Variants in TF observed in about 807,000 individuals in gnomAD.
TF encodes serotransferrin.
In TF, 55 loss-of-function variants were observed where a neutral mutation model predicts 82.4. The ratio of observed to expected loss-of-function variants is 0.67; its 90% CI spans 0.54 to 0.84. TF has a LOEUF of 0.84. Ranked by LOEUF, TF falls within the 40% of genes least tolerant of loss-of-function variation. TF has a pLI of 0.00. For synonymous variants in TF, 332 were observed against 332.6 expected, an observed-to-expected ratio of 1.00 and a Z score of 0.02; for missense variants, 737 against 868.4, an observed-to-expected ratio of 0.85 and a Z score of 1.90.
the TF span, among the ~76,000 whole-genome samples, chr3:133,663,502 A>C: frequency 2.6e-5 from 4 of 152,070 alleles, no homozygotes; most frequent in East Asian, 7.7e-4. Flanking sequence ...AAGAAACCAC[A>C]GTTAATTGTT....
At chr3:133,755,333 C>G in intron 4 of TF, 30 bp from the exon 5 acceptor site, 1 of 1,614,132 alleles carries the variant, frequency 6.2e-7, no homozygotes, top group Non-Finnish European at 8.5e-7. Context: ...CTCACTCATG[C>G]TCTGTTGTCC....
At position 133,789,957 on chromosome 3, in the gene TF, A is replaced by C. The variant is rs1481871003; in HGVS notation, c.*11337A>C. 2 of 145,298 alleles carry C rather than the reference A, an allele frequency of 1.4e-5. No homozygotes were observed. Among genetic ancestry groups the C allele is most frequent in the Non-Finnish European group, 3.0e-5 (2 of 67,306 alleles). 9.0% of individuals were successfully genotyped at this position (145,298 alleles called of 1,614,324 possible). ...TAGCTAAATCTTCTGGGTTACTGGC[A>C]AAAATACGTATGTATTAACTTTGAG... is the stretch of plus-strand genomic sequence containing the variant. On this transcript the variant is annotated 3_prime_UTR_variant, in exon 17 of 17. Coordinates refer to ENST00000402696, the MANE Select transcript of TF (RefSeq NM_001063.4).
At chr3:133,682,276 T>A in the TF span, among the ~76,000 whole-genome samples, 3 of 152,046 alleles carry the variant, frequency 2.0e-5, no homozygotes, top group Non-Finnish European at 4.4e-5. Flanking sequence ...AGCTGAAAAT[T>A]CTAAAAATCA....
the TF span, among the ~76,000 whole-genome samples, chr3:133,686,918 C>G: frequency 9.2e-5 from 14 of 152,166 alleles, no homozygotes; most frequent in Non-Finnish European, 8.8e-5. Context: ...TGGCACTATT[C>G]ACAATAGCAA....
chr3:133,739,696 A>G, the TF span, among the ~76,000 whole-genome samples: 1 of 152,242 alleles, frequency 6.6e-6, no homozygotes, highest in Non-Finnish European at 1.5e-5. Context: ...ATGTCACAAA[A>G]GAAGACATTT....
At chr3:133,707,167 G>T in the TF span, among the ~76,000 whole-genome samples, 5 of 149,944 alleles carry the variant, frequency 3.3e-5, no homozygotes, top group African/African-American at 1.2e-4. Context: ...TCTGAGTAGA[G>T]AGGGGGAGAG....
the TF span, among the ~76,000 whole-genome samples, chr3:133,711,822 A>C: frequency 6.6e-6 from 1 of 151,666 alleles, no homozygotes; most frequent in Non-Finnish European, 1.5e-5. Flanking sequence ...AAAACTAATG[A>C]CAGTAAAAGG....
At chr3:133,687,716 G>C in the TF span, among the ~76,000 whole-genome samples, 5 of 152,150 alleles carry the variant, frequency 3.3e-5, no homozygotes. Context: ...TTTCACTCAA[G>C]TTGGAGTTTT....
chr3:133,715,170 T>A, the TF span, among the ~76,000 whole-genome samples: 2 of 152,196 alleles, frequency 1.3e-5, no homozygotes, highest in Non-Finnish European at 2.9e-5. Context: ...GAGCCATGTA[T>A]CTCTAGTCCT....
rs1011868075 is a variant in TF, at chr3:133,787,490, T to C, written c.*8870T>C. On this transcript the variant is annotated 3_prime_UTR_variant, in exon 17 of 17. Coordinates refer to ENST00000402696, the MANE Select transcript of TF (RefSeq NM_001063.4). Reference sequence around the variant, plus strand: ...GTACACAGTGGAAAGTTATATGAAATATCTGGTCTCTCTAGATAGTTAGAA... The same window carrying C: ...GTACACAGTGGAAAGTTATATGAAACATCTGGTCTCTCTAGATAGTTAGAA... 1 of 152,270 alleles carries C rather than the reference T, an allele frequency of 6.6e-6. No homozygotes were observed. The highest frequency in any genetic ancestry group is 2.4e-5 in the African/African-American group (1 of 41,466). 9.4% of individuals were successfully genotyped at this position (152,270 alleles called of 1,614,324 possible).
At chr3:133,707,425 C>T in the TF span, 1 of 152,256 alleles carries the variant, frequency 6.6e-6, no homozygotes, top group African/African-American at 2.4e-5. Context: ...TGGAAAGCCA[C>T]CTCCCTAACC....
At chr3:133,709,624 TC>T in the TF span, 1 of 170,564 alleles carries the variant, frequency 5.9e-6, no homozygotes, top group Non-Finnish European at 1.3e-5. Flanking sequence ...AGCTGGAACA[TC>T]CCCATGGGCT....
In TF at chr3:133,784,432, T is replaced by C. The variant is rs1268311576; in HGVS notation, c.*5812T>C. On this transcript the variant is annotated 3_prime_UTR_variant, in exon 17 of 17. Coordinates refer to ENST00000402696, the MANE Select transcript of TF (RefSeq NM_001063.4). ...AAGAGGTTGTGACTTATGATAGAGT[T>C]AGAAAATCACACATCTTGTAAATTC... 4 of 147,918 alleles carry C rather than the reference T, an allele frequency of 2.7e-5. No homozygotes were observed. The highest frequency in any genetic ancestry group is 1.4e-4 in the Admixed American group (2 of 14,768). 9.2% of individuals were successfully genotyped at this position (147,918 alleles called of 1,614,324 possible). A position where few individuals can be genotyped will look rare whatever the true frequency, so the allele number is the denominator to read the frequency against.
rs41296626 is a variant in TF, at chr3:133,778,586, C to A, written c.2063C>A (p.Ser688Ter). ...VGNLRKCSTS[S>*]LLEACTFRRP The stretch of plus-strand genomic sequence containing the variant: ...CCTACCTCTCTGCTCTGCTCCACAG[C>A]ACTCCTGGAAGCCTGCACTTTCCGT... The change falls in exon 17 of 17, where the codon TCA (serine) becomes TAA (stop). Residue 688 changes from serine (S) to a stop codon, truncating the protein, a stop_gained and splice_region_variant. Transcript: ENST00000402696. LOFTEE classifies it high-confidence loss of function. 1.2e-6 allele frequency: 2 copies of A among 1,613,162 alleles called. No individual in the cohort carries two copies. The highest frequency in any genetic ancestry group is 1.7e-6 in the Non-Finnish European group (2 of 1,179,378).
chr3:133,700,404 T>C, the TF span, among the ~76,000 whole-genome samples: 1 of 152,188 alleles, frequency 6.6e-6, no homozygotes, highest in Non-Finnish European at 1.5e-5. Flanking sequence ...CCTTTGGTTT[T>C]TGGAGGCCAG....
chr3:133,665,743 G>A, the TF span, among the ~76,000 whole-genome samples: 5 of 151,724 alleles, frequency 3.3e-5, no homozygotes, highest in Admixed American at 2.0e-4. Context: ...TCGGGAGTTC[G>A]AGACCAGCCT....
the TF span, among the ~76,000 whole-genome samples, chr3:133,704,996 C>T: frequency 5.6e-3 from 855 of 152,260 alleles, 8 homozygotes; most frequent in African/African-American, 0.019. Context: ...AGTGATGGGT[C>T]GGGCGTGGTG....
chr3:133,783,488 C>T lies in TF; in HGVS notation c.*4868C>T. On this transcript the variant is annotated 3_prime_UTR_variant, in exon 17 of 17. Coordinates refer to ENST00000402696, the MANE Select transcript of TF (RefSeq NM_001063.4). Reference sequence around the variant, plus strand: ...AAAGGTTTAAATATAAAATTAAAATCGTAAAAACAATTACTATGTTAACAT... The same window carrying T: ...AAAGGTTTAAATATAAAATTAAAATTGTAAAAACAATTACTATGTTAACAT... The T allele has an allele frequency of 6.6e-6, 1 of 152,210 alleles. No individual in the cohort carries two copies. The highest frequency in any genetic ancestry group is 1.9e-4 in the East Asian group (1 of 5,182). The allele number at this position is 152,210 out of a possible 1,614,324, so 9.4% of individuals were successfully genotyped here.
intron 7 of TF, 83 bp downstream of exon 7, chr3:133,757,092 C>A: frequency 6.4e-7 from 1 of 1,568,730 alleles, no homozygotes; most frequent in Non-Finnish European, 8.8e-7. Context: ...TCTTGTCACT[C>A]TGGAAGTCTG....
Sources: allele counts gnomAD v4.1 joint callset (sites outside exome capture counted in the v4.1 genomes callset), GRCh38; gene constraint gnomAD v4.1.1; transcripts MANE v1.5; gene names NCBI Gene and HGNC (gene_info 2026-07-23, HGNC 2026-07-21).